Variants in RHOU observed in about 807,000 individuals in gnomAD.
RHOU encodes the protein rho-related GTP-binding protein RhoU.
In RHOU, 8 loss-of-function variants were observed where a neutral mutation model predicts 12.6. That is an observed-to-expected ratio of 0.64 (90% CI 0.37 to 1.15). The LOEUF is 1.15. RHOU is among the 50% of genes most tolerant of loss of function. The pLI is 0.01. For synonymous variants in RHOU, 161 were observed against 147.4 expected, an observed-to-expected ratio of 1.09 and a Z score of -0.67; for missense variants, 258 against 347.0, an observed-to-expected ratio of 0.74 and a Z score of 2.04.
chr1:228,701,150 C>A, the RHOU span, among the ~76,000 whole-genome samples: 10 of 152,110 alleles, frequency 6.6e-5, no homozygotes, highest in South Asian at 2.1e-4. Context: ...TGTATGGGCC[C>A]TCTGTAGCAT....
the RHOU span, among the ~76,000 whole-genome samples, chr1:228,710,473 G>A: frequency 2.4e-4 from 37 of 152,082 alleles, no homozygotes; most frequent in Middle Eastern, 3.4e-3. Flanking sequence ...TGATCAAGTG[G>A]GCTTCATCCC....
chr1:228,671,912 C>T, the RHOU span, among the ~76,000 whole-genome samples: 1 of 152,100 alleles, frequency 6.6e-6, no homozygotes, highest in African/African-American at 2.4e-5. Flanking sequence ...ATACATTTAT[C>T]TAGTTATATA....
the RHOU span, among the ~76,000 whole-genome samples, chr1:228,726,852 GATC>G: frequency 1.3e-5 from 2 of 152,120 alleles, no homozygotes; most frequent in Non-Finnish European, 2.9e-5. Flanking sequence ...GTAGATTTGT[GATC>G]ACCTGGAAGA....
At chr1:228,661,020 A>G in the RHOU span, among the ~76,000 whole-genome samples, 1 of 152,136 alleles carries the variant, frequency 6.6e-6, no homozygotes. Flanking sequence ...AAAAAATCAC[A>G]AGCATTCCTA....
chr1:228,646,747 C>T, the RHOU span, among the ~76,000 whole-genome samples: 1 of 151,994 alleles, frequency 6.6e-6, no homozygotes, highest in African/African-American at 2.4e-5. Context: ...CACACACAGA[C>T]ACACCCGTTC....
intron 2 of RHOU, among the ~76,000 whole-genome samples, chr1:228,742,449 T>C (rs1571891348): frequency 6.6e-6 from 1 of 152,290 alleles, no homozygotes; most frequent in Admixed American, 6.5e-5. Context: ...TTCTCTATAC[T>C]TTAAGGGTAG....
At chr1:228,716,741 C>T in the RHOU span, among the ~76,000 whole-genome samples, 2 of 60,188 alleles carry the variant, frequency 3.3e-5, no homozygotes, top group South Asian at 4.1e-4. Context: ...TATACATATA[C>T]ACACACATGT....
the RHOU span, among the ~76,000 whole-genome samples, chr1:228,720,506 C>T: frequency 1.3e-5 from 2 of 152,010 alleles, no homozygotes; most frequent in African/African-American, 4.8e-5. Flanking sequence ...TAGGGTGGGC[C>T]CTGATCCAAT....
At chr1:228,717,844 C>T in the RHOU span, among the ~76,000 whole-genome samples, 1 of 152,158 alleles carries the variant, frequency 6.6e-6, no homozygotes, top group Non-Finnish European at 1.5e-5. Flanking sequence ...TCCAGCCAGT[C>T]ATTTAAAAAG....
chr1:228,646,707 C>G, the RHOU span, among the ~76,000 whole-genome samples: 1 of 151,074 alleles, frequency 6.6e-6, no homozygotes, highest in African/African-American at 2.4e-5. Context: ...CAGACACACC[C>G]CACCGCCACC....
chr1:228,661,728 A>C, the RHOU span, among the ~76,000 whole-genome samples: 1 of 152,242 alleles, frequency 6.6e-6, no homozygotes, highest in Non-Finnish European at 1.5e-5. Context: ...TAAAAACCCT[A>C]GAAGAAAACC....
chr1:228,670,304 C>G, the RHOU span, among the ~76,000 whole-genome samples: 2 of 152,186 alleles, frequency 1.3e-5, no homozygotes, highest in Admixed American at 1.3e-4. Flanking sequence ...TAAGGCCACC[C>G]CCTTTCCTCA....
At chr1:228,650,111 A>G in the RHOU span, 1 of 434,266 alleles carries the variant, frequency 2.3e-6, no homozygotes, top group South Asian at 1.7e-5. Context: ...GTACTCTTGA[A>G]TACAGATTTC....
chr1:228,649,971 T>C, the RHOU span, among the ~76,000 whole-genome samples: 162 of 152,380 alleles, frequency 1.1e-3, 3 homozygotes, highest in Middle Eastern at 6.8e-3. Flanking sequence ...TGTCAATTTC[T>C]GGTTATAATA....
the RHOU span, among the ~76,000 whole-genome samples, chr1:228,692,755 G>T: frequency 1.3e-5 from 2 of 151,560 alleles, no homozygotes; most frequent in Non-Finnish European, 2.9e-5. Flanking sequence ...TTTTTACAAC[G>T]TTTATGGATG....
At chr1:228,736,340 T>C (rs991270669) in intron 1 of RHOU, among the ~76,000 whole-genome samples, 1 of 150,044 alleles carries the variant, frequency 6.7e-6, no homozygotes, top group Non-Finnish European at 1.5e-5. Context: ...GGGTGCCCGG[T>C]CAGTTTGTTG....
the RHOU span, among the ~76,000 whole-genome samples, chr1:228,656,519 C>T: frequency 6.6e-6 from 1 of 151,908 alleles, no homozygotes; most frequent in Non-Finnish European, 1.5e-5. Context: ...AATACATAAA[C>T]ATGTAATTGT....
chr1:228,702,158 A>C, the RHOU span, among the ~76,000 whole-genome samples: 6 of 152,240 alleles, frequency 3.9e-5, no homozygotes, highest in African/African-American at 1.4e-4. Context: ...AAAAAAACTC[A>C]GACATTTTAT....
At chr1:228,647,185 A>T in the RHOU span, among the ~76,000 whole-genome samples, 1 of 152,140 alleles carries the variant, frequency 6.6e-6, no homozygotes, top group South Asian at 2.1e-4. Context: ...GTGCGAGAGG[A>T]CCAACGGAGC....
Sources: gnomAD v4.1 joint callset for allele counts (sites outside exome capture counted in the v4.1 genomes callset) on GRCh38, gnomAD v4.1.1 for gene constraint, MANE v1.5 for transcripts, NCBI Gene and HGNC (gene_info 2026-07-23, HGNC 2026-07-21) for gene names.